GRM7: variants seen among roughly 807,000 people sequenced by gnomAD.
GRM7 encodes the protein glutamate metabotropic receptor 7, also known as metabotropic glutamate receptor 7.
GRM7 carries 35 observed loss-of-function variants against 84.5 expected under a neutral mutation model. That is an observed-to-expected ratio of 0.41 (90% CI 0.32 to 0.55). GRM7 has a LOEUF of 0.55. Ranked by LOEUF, GRM7 falls within the 20% of genes least tolerant of loss-of-function variation. GRM7 has a pLI of 0.19. For missense variants in GRM7, 1,003 were observed against 1,194.6 expected, an observed-to-expected ratio of 0.84 and a Z score of 2.36; for synonymous variants, 487 against 455.1, an observed-to-expected ratio of 1.07 and a Z score of -0.89.
intron 1 of GRM7, among the ~76,000 whole-genome samples, chr3:6,965,722 T>G (rs1693488964): frequency 6.6e-6 from 1 of 152,264 alleles, no homozygotes; most frequent in East Asian, 1.9e-4. Flanking sequence ...ATTAAAATCT[T>G]AGGTTGTTCT....
At chr3:7,630,656 A>G (rs1178208720) in intron 8 of GRM7, among the ~76,000 whole-genome samples, 1 of 152,186 alleles carries the variant, frequency 6.6e-6, no homozygotes, top group Non-Finnish European at 1.5e-5. Flanking sequence ...CCATGAGAGC[A>G]TTTAACGTTA....
chr3:7,167,215 G>A (rs1694828658), intron 2 of GRM7, among the ~76,000 whole-genome samples: 1 of 152,176 alleles, frequency 6.6e-6, no homozygotes, highest in Admixed American at 6.5e-5. Context: ...AAAATAAGAA[G>A]CACCATCTCT....
chr3:7,268,253 G>A (rs1414171011), intron 2 of GRM7, among the ~76,000 whole-genome samples: 1 of 151,784 alleles, frequency 6.6e-6, no homozygotes, highest in African/African-American at 2.4e-5. Context: ...TGTAATCCCA[G>A]CACTTCGGTG....
At chr3:7,143,865 T>A (rs911025190) in intron 1 of GRM7, among the ~76,000 whole-genome samples, 1 of 152,300 alleles carries the variant, frequency 6.6e-6, no homozygotes, top group African/African-American at 2.4e-5. Context: ...TTTCATTTCT[T>A]GTGAGGGAAA....
At chr3:7,270,755 A>G (rs1434756866) in intron 2 of GRM7, among the ~76,000 whole-genome samples, 1 of 152,234 alleles carries the variant, frequency 6.6e-6, no homozygotes, top group Non-Finnish European at 1.5e-5. Context: ...AATCAAAAGT[A>G]GTGAAGAGGA....
At chr3:7,616,066 A>C in intron 8 of GRM7, among the ~76,000 whole-genome samples, 1 of 152,228 alleles carries the variant, frequency 6.6e-6, no homozygotes. Context: ...AGTAGGTAGC[A>C]GGCTACTAGG....
At chr3:6,864,331 A>G (rs542295778) in intron 1 of GRM7, among the ~76,000 whole-genome samples, 3 of 152,258 alleles carry the variant, frequency 2.0e-5, no homozygotes, top group Middle Eastern at 3.4e-3. Context: ...ATGTTGGAAT[A>G]TGTGTTTCAT....
At chr3:6,963,816 G>A (rs1217762276) in intron 1 of GRM7, among the ~76,000 whole-genome samples, 1 of 152,046 alleles carries the variant, frequency 6.6e-6, no homozygotes, top group Non-Finnish European at 1.5e-5. Context: ...AAATATTAAG[G>A]ATACTCTCAG....
chr3:7,026,579 G>A (rs1052738053), intron 1 of GRM7, among the ~76,000 whole-genome samples: 12 of 152,108 alleles, frequency 7.9e-5, no homozygotes, highest in South Asian at 2.1e-4. Context: ...TGGCACCAAC[G>A]TAAAAGAAAA....
intron 1 of GRM7, among the ~76,000 whole-genome samples, chr3:7,016,876 A>T (rs1695585340): frequency 6.6e-6 from 1 of 152,064 alleles, no homozygotes; most frequent in Admixed American, 6.6e-5. Context: ...CAGAATCTAG[A>T]CTCTGGCAAT....
At chr3:7,257,326 G>T (rs1479093734) in intron 2 of GRM7, among the ~76,000 whole-genome samples, 1 of 152,110 alleles carries the variant, frequency 6.6e-6, no homozygotes, top group African/African-American at 2.4e-5. Context: ...TATTCTTGGA[G>T]GATATCTTGA....
intron 8 of GRM7, chr3:7,636,562 C>T (rs577083643): frequency 1.2e-5 from 2 of 167,616 alleles, no homozygotes; most frequent in African/African-American, 4.8e-5. Context: ...ATGCAGGTTC[C>T]TATAAATCTT....
chr3:7,039,425 T>A (rs1161005051), intron 1 of GRM7, among the ~76,000 whole-genome samples: 1 of 152,234 alleles, frequency 6.6e-6, no homozygotes, highest in African/African-American at 2.4e-5. Context: ...ATTCTTCTAA[T>A]GAAGTGCACA....
At chr3:7,307,101 A>G (rs1195786238) in intron 4 of GRM7, among the ~76,000 whole-genome samples, 2 of 151,230 alleles carry the variant, frequency 1.3e-5, no homozygotes, top group East Asian at 3.9e-4. Flanking sequence ...AGGCTGTAAT[A>G]CAGCACACCA....
Position 7,686,722 on chromosome 3 carries a change from G to A in GRM7, c.2698+6427G>A, listed in dbSNP as rs541142852. Among the ~76,000 whole-genome samples, 4 of 152,220 alleles carry A rather than the reference G, an allele frequency of 2.6e-5. No individual in the cohort carries two copies. The South Asian group carries it at 6.2e-4, about 24-fold the overall frequency. Reference sequence around the variant, plus strand: ...GCAGAGAACTGTTGCTGGTCATTCCGACACATGCTCTACTTTAAAACTACC... The same window carrying A: ...GCAGAGAACTGTTGCTGGTCATTCCAACACATGCTCTACTTTAAAACTACC... On this transcript the variant is annotated intron_variant, in intron 9 of 9. Coordinates refer to ENST00000357716, the MANE Select transcript of GRM7 (RefSeq NM_000844.4).
intron 2 of GRM7, among the ~76,000 whole-genome samples, chr3:7,161,947 C>G (rs1024384220): frequency 6.6e-6 from 1 of 152,196 alleles, no homozygotes; most frequent in Non-Finnish European, 1.5e-5. Flanking sequence ...GAGATGGCAA[C>G]AAGCATTTGA....
At chr3:6,876,992 T>A (rs1695330814) in intron 1 of GRM7, among the ~76,000 whole-genome samples, 1 of 152,206 alleles carries the variant, frequency 6.6e-6, no homozygotes, top group South Asian at 2.1e-4. Context: ...TAATGAAGTC[T>A]TTGTCTGATT....
At chr3:6,909,944 G>A (rs192077370) in intron 1 of GRM7, among the ~76,000 whole-genome samples, 1 of 151,992 alleles carries the variant, frequency 6.6e-6, no homozygotes, top group Admixed American at 6.6e-5. Context: ...GTCTAATTGA[G>A]AGCCTTTCTA....
intron 1 of GRM7, among the ~76,000 whole-genome samples, chr3:6,892,108 A>G (rs898460965): frequency 2.0e-5 from 3 of 151,850 alleles, no homozygotes; most frequent in Non-Finnish European, 2.9e-5. Context: ...ACTTCTCTGT[A>G]TTGGTTATTC....
Sources: allele counts gnomAD v4.1 joint callset (sites outside exome capture counted in the v4.1 genomes callset), GRCh38; gene constraint gnomAD v4.1.1; transcripts MANE v1.5; gene names NCBI Gene and HGNC (gene_info 2026-07-23, HGNC 2026-07-21).